The following EPB41L4B variants were observed in gnomAD, a reference collection of about 807,000 sequenced individuals.
EPB41L4B encodes the protein erythrocyte membrane protein band 4.1 like 4B, also known as band 4.1-like protein 4B.
EPB41L4B carries 30 observed loss-of-function variants against 112.5 expected under a neutral mutation model. The ratio of observed to expected loss-of-function variants is 0.27; its 90% CI spans 0.20 to 0.36. EPB41L4B has a LOEUF of 0.36. Ranked by LOEUF, EPB41L4B falls within the 10% of genes least tolerant of loss-of-function variation. The probability of loss-of-function intolerance (pLI) is 1.00; values close to 1 mark genes in which losing one functional copy is unlikely to be tolerated. For missense variants in EPB41L4B, 1,024 were observed against 1,133.3 expected (o/e 0.90, Z 1.38); for synonymous variants, 408 against 439.7 (o/e 0.93, Z 0.90).
chr9:109,219,413 T>C (rs911359092), intron 15 of EPB41L4B, among the ~76,000 whole-genome samples: 30 of 152,272 alleles, frequency 2.0e-4, no homozygotes, highest in African/African-American at 6.7e-4. Flanking sequence ...CAGGCTAGAG[T>C]GCAGTGGCGC....
chr9:109,271,657 C>T (rs1169114720), intron 2 of EPB41L4B, among the ~76,000 whole-genome samples: 2 of 152,194 alleles, frequency 1.3e-5, no homozygotes. Flanking sequence ...GCGGCGGGAC[C>T]TGTCTCAGAT....
At chr9:109,299,404 C>G (rs954118271) in intron 1 of EPB41L4B, among the ~76,000 whole-genome samples, 2 of 152,098 alleles carry the variant, frequency 1.3e-5, no homozygotes, top group Non-Finnish European at 2.9e-5. Context: ...GCCTCCTGAG[C>G]AGGTGAGACT....
chr9:109,280,017 T>A, intron 1 of EPB41L4B, 96 bp from the exon 2 acceptor site: 14 of 844,702 alleles, frequency 1.7e-5, no homozygotes, highest in East Asian at 2.6e-5. Flanking sequence ...GTAAATTGCA[T>A]ACATGTCAGC....
At chr9:109,279,973 G>GA (rs765815403) in intron 1 of EPB41L4B, 52 bp from the exon 2 acceptor site, 57 of 1,386,342 alleles carry the variant, frequency 4.1e-5, no homozygotes, top group Non-Finnish European at 5.0e-5. Flanking sequence ...AGCTAGATAA[G>GA]AAAAAAAAGG....
At chr9:109,283,865 T>C (rs1478813011) in intron 1 of EPB41L4B, among the ~76,000 whole-genome samples, 1 of 151,702 alleles carries the variant, frequency 6.6e-6, no homozygotes, top group African/African-American at 2.4e-5. Flanking sequence ...GGCTGGAGGA[T>C]TGCTTGAGGC....
chr9:109,312,566 T>C (rs1464449266), intron 1 of EPB41L4B, among the ~76,000 whole-genome samples: 2 of 152,116 alleles, frequency 1.3e-5, no homozygotes. Flanking sequence ...CAAATCAAGC[T>C]AGAGTCTGCC....
chr9:109,318,726 A>G (rs1258505517), intron 1 of EPB41L4B, among the ~76,000 whole-genome samples: 1 of 152,146 alleles, frequency 6.6e-6, no homozygotes, highest in East Asian at 1.9e-4. Flanking sequence ...TTTTTATGCT[A>G]TTTTAAAGGC....
At chr9:109,215,781 C>T (rs1381546373) in intron 16 of EPB41L4B, among the ~76,000 whole-genome samples, 1 of 152,116 alleles carries the variant, frequency 6.6e-6, no homozygotes, top group Non-Finnish European at 1.5e-5. Flanking sequence ...AATCAAAGCC[C>T]ATATTTTTAT....
intron 2 of EPB41L4B, among the ~76,000 whole-genome samples, chr9:109,276,910 G>A (rs909239982): frequency 2.0e-5 from 3 of 152,176 alleles, no homozygotes; most frequent in South Asian, 2.1e-4. Context: ...ACATGCCAAC[G>A]TCCCCTTTAG....
intron 13 of EPB41L4B, among the ~76,000 whole-genome samples, chr9:109,249,506 A>AT (rs201271741): frequency 1.6e-3 from 224 of 141,506 alleles, no homozygotes; most frequent in South Asian, 5.0e-3. Context: ...TTTGGGCAGA[A>AT]TTTTTTTTTT....
intron 4 of EPB41L4B, among the ~76,000 whole-genome samples, chr9:109,267,069 A>G (rs930211541): frequency 2.0e-5 from 3 of 151,494 alleles, no homozygotes; most frequent in East Asian, 3.9e-4. Context: ...TTTCTTAAAG[A>G]GGTTCCTTGT....
intron 20 of EPB41L4B, among the ~76,000 whole-genome samples, chr9:109,199,514 C>A (rs776885752): frequency 2.0e-5 from 3 of 152,038 alleles, no homozygotes; most frequent in Non-Finnish European, 2.9e-5. Context: ...ACCAAAAATA[C>A]AAAAATCAGC....
chr9:109,312,589 G>C (rs1564339039), intron 1 of EPB41L4B, among the ~76,000 whole-genome samples: 1 of 152,098 alleles, frequency 6.6e-6, no homozygotes, highest in Admixed American at 6.5e-5. Flanking sequence ...TACTAGCTAT[G>C]TGACCTTGGA....
At chr9:109,277,196 G>T (rs566710437) in intron 2 of EPB41L4B, among the ~76,000 whole-genome samples, 1 of 151,946 alleles carries the variant, frequency 6.6e-6, no homozygotes, top group Non-Finnish European at 1.5e-5. Context: ...AGAGTGGCAG[G>T]TGCTGGAAAC....
Position 109,243,633 on chromosome 9 carries a change from T to G in EPB41L4B, c.1394A>C (p.His465Pro). The change falls in exon 15 of 26, where the codon CAC becomes CCC. Residue 465 changes from histidine (H) to proline (P), a missense_variant. Transcript: ENST00000374566. ...IHPSQPRWHP[H>P]SPNVSYPLPS... ...CAGCACTTACCTGACATTTGGAGAG[T>G]GAGGATGCCACCGGGGCTGGCTGGG... 6.2e-7 allele frequency: 1 copy of G among 1,613,862 alleles called. No individual in the cohort carries two copies. The highest frequency in any genetic ancestry group is 8.5e-7 in the Non-Finnish European group (1 of 1,179,938).
intron 2 of EPB41L4B, among the ~76,000 whole-genome samples, chr9:109,272,815 T>C (rs564405051): frequency 1.3e-3 from 196 of 152,260 alleles, no homozygotes; most frequent in African/African-American, 4.3e-3. Context: ...GATAATCAAA[T>C]TGTACCCAAA....
At chr9:109,256,329 C>T (rs532048286) in intron 8 of EPB41L4B, 64 bp downstream of exon 8, 7 of 1,593,542 alleles carry the variant, frequency 4.4e-6, no homozygotes, top group African/African-American at 4.0e-5. Context: ...ATTTTGTTTG[C>T]ATAATGTTCA....
At chr9:109,178,543 T>C (rs1831931051) in intron 24 of EPB41L4B, among the ~76,000 whole-genome samples, 1 of 152,118 alleles carries the variant, frequency 6.6e-6, no homozygotes, top group Non-Finnish European at 1.5e-5. Context: ...ACTCAGCTAA[T>C]TTTTGTATTA....
intron 10 of EPB41L4B, 39 bp downstream of exon 10, chr9:109,255,735 T>C (rs1484755749): frequency 6.2e-7 from 1 of 1,611,658 alleles, no homozygotes; most frequent in Admixed American, 1.7e-5. Context: ...CAACACAGGA[T>C]TTTCACAGCA....
Sources: gnomAD v4.1 joint callset for allele counts (sites outside exome capture counted in the v4.1 genomes callset) on GRCh38, gnomAD v4.1.1 for gene constraint, MANE v1.5 for transcripts, NCBI Gene and HGNC (gene_info 2026-07-23, HGNC 2026-07-21) for gene names.